DCC: variants seen among roughly 807,000 people sequenced by gnomAD.
DCC encodes the protein netrin receptor DCC.
Under a neutral mutation model 172.5 loss-of-function variants are expected in DCC, and 58 were observed. The observed-to-expected ratio is 0.34, with a 90% CI of 0.27 to 0.42. The LOEUF is 0.42. Ranked by LOEUF, DCC falls within the 10% of genes least tolerant of loss-of-function variation. DCC has a pLI of 1.00. For synonymous variants in DCC, 709 were observed against 644.5 expected (o/e 1.10, Z -1.52); for missense variants, 1,740 against 1,791.0 (o/e 0.97, Z 0.51).
intron 1 of DCC, among the ~76,000 whole-genome samples, chr18:52,640,539 A>G (rs75464688): frequency 0.13 from 20,488 of 152,140 alleles, 1,524 homozygotes; most frequent in Admixed American, 0.21. Context: ...AATGTACACA[A>G]ATTAGTAGCT....
chr18:53,148,865 C>CTTTTTTTTTTTTGTTTTTTTT (rs2043956589), intron 7 of DCC, among the ~76,000 whole-genome samples: 1 of 109,820 alleles, frequency 9.1e-6, no homozygotes, highest in Non-Finnish European at 1.8e-5. Flanking sequence ...TTCCCAATGC[C>CTTTTTTTTTTTTGTTTTTTTT]TTTTTTTTTT....
At chr18:53,387,964 C>T (rs759179736) in intron 16 of DCC, among the ~76,000 whole-genome samples, 2 of 152,218 alleles carry the variant, frequency 1.3e-5, no homozygotes, top group Non-Finnish European at 2.9e-5. Flanking sequence ...GTAAGTTGTT[C>T]AGAAAGAACC....
chr18:53,325,604 A>G (rs1897261), intron 14 of DCC, among the ~76,000 whole-genome samples: 94,479 of 152,070 alleles, frequency 0.62, 29,917 homozygotes, highest in African/African-American at 0.68. Context: ...TCCAATTTAT[A>G]CATCTATTTC....
intron 5 of DCC, among the ~76,000 whole-genome samples, chr18:53,014,788 T>C (rs2041784612): frequency 6.6e-6 from 1 of 152,050 alleles, no homozygotes; most frequent in Non-Finnish European, 1.5e-5. Context: ...GCTGAATTGC[T>C]GCATAAACAT....
intron 12 of DCC, among the ~76,000 whole-genome samples, chr18:53,229,387 G>A (rs62100777): frequency 0.36 from 54,256 of 151,964 alleles, 10,941 homozygotes; most frequent in Non-Finnish European, 0.46. Context: ...TAAAAATTCA[G>A]TTACATAGCC....
At chr18:53,224,454 A>G (rs1218699368) in intron 12 of DCC, among the ~76,000 whole-genome samples, 2 of 152,218 alleles carry the variant, frequency 1.3e-5, no homozygotes, top group Non-Finnish European at 2.9e-5. Flanking sequence ...GGACAATGAA[A>G]AGCATATTGA....
intron 19 of DCC, 37 bp downstream of exon 19, chr18:53,402,930 C>A (rs569230842): frequency 6.9e-7 from 1 of 1,453,626 alleles, no homozygotes; most frequent in Non-Finnish European, 9.7e-7. Context: ...CATAGCTCTC[C>A]CTTGTCCTAT....
chr18:52,480,396 C>A (rs570429009), intron 1 of DCC, among the ~76,000 whole-genome samples: 5 of 151,620 alleles, frequency 3.3e-5, no homozygotes, highest in African/African-American at 1.2e-4. Context: ...CTAGAACATA[C>A]GTTTTCTTCA....
chr18:53,136,947 T>C (rs1292965086), intron 7 of DCC, among the ~76,000 whole-genome samples: 1 of 152,214 alleles, frequency 6.6e-6, no homozygotes, highest in Non-Finnish European at 1.5e-5. Flanking sequence ...CCATGATATA[T>C]ATTGAATGTC....
chr18:53,516,427 A>G (rs1364616566), intron 27 of DCC, among the ~76,000 whole-genome samples: 2 of 145,608 alleles, frequency 1.4e-5, no homozygotes, highest in South Asian at 2.1e-4. Flanking sequence ...AAGCAATGGC[A>G]ACAAAAGACA....
intron 15 of DCC, among the ~76,000 whole-genome samples, chr18:53,377,402 ACT>A (rs1907375602): frequency 6.6e-6 from 1 of 150,718 alleles, no homozygotes; most frequent in South Asian, 2.1e-4. Context: ...AGAAGGCCAA[ACT>A]CATCCTTTTC....
intron 1 of DCC, among the ~76,000 whole-genome samples, chr18:52,643,323 A>C (rs2034948673): frequency 6.6e-6 from 1 of 152,200 alleles, no homozygotes; most frequent in African/African-American, 2.4e-5. Context: ...GACCATCAGA[A>C]GGAAATTTTC....
intron 1 of DCC, among the ~76,000 whole-genome samples, chr18:52,377,940 T>G (rs1598875098): frequency 6.6e-6 from 1 of 152,000 alleles, no homozygotes; most frequent in Non-Finnish European, 1.5e-5. Context: ...CCTCAAGTGA[T>G]CCCCCTGCCT....
chr18:52,370,964 G>A (rs979583050), intron 1 of DCC, among the ~76,000 whole-genome samples: 6 of 152,170 alleles, frequency 3.9e-5, no homozygotes, highest in Non-Finnish European at 5.9e-5. Context: ...ACAGACTTCG[G>A]TAAATACAGA....
chr18:53,348,544 C>T (rs1481865550), intron 15 of DCC, among the ~76,000 whole-genome samples: 1 of 152,202 alleles, frequency 6.6e-6, no homozygotes, highest in African/African-American at 2.4e-5. Flanking sequence ...CTTCTGATAG[C>T]TCCACTAGGC....
chr18:52,651,506 T>C (rs1206375757), intron 1 of DCC, among the ~76,000 whole-genome samples: 1 of 152,066 alleles, frequency 6.6e-6, no homozygotes, highest in Admixed American at 6.6e-5. Flanking sequence ...AATCTTTTTT[T>C]TTTTTTTTGC....
intron 5 of DCC, among the ~76,000 whole-genome samples, chr18:53,001,234 G>T (rs1030890563): frequency 3.9e-5 from 6 of 152,082 alleles, no homozygotes; most frequent in African/African-American, 1.2e-4. Context: ...TCAAAAGATG[G>T]CCATTGAATA....
At chr18:52,796,137 C>A (rs956288684) in intron 2 of DCC, among the ~76,000 whole-genome samples, 7 of 146,962 alleles carry the variant, frequency 4.8e-5, no homozygotes, top group African/African-American at 1.7e-4. Context: ...CTATATCGGT[C>A]TTTATAGGTG....
chr18:52,455,851 C>T (rs1295314806), intron 1 of DCC, among the ~76,000 whole-genome samples: 1 of 152,136 alleles, frequency 6.6e-6, no homozygotes, highest in African/African-American at 2.4e-5. Context: ...AAGGATTAAA[C>T]GTCCCTAAGG....
Sources: allele counts gnomAD v4.1 joint callset (sites outside exome capture counted in the v4.1 genomes callset), GRCh38; gene constraint gnomAD v4.1.1; transcripts MANE v1.5; gene names NCBI Gene and HGNC (gene_info 2026-07-23, HGNC 2026-07-21).